EYS: variants seen among roughly 807,000 people sequenced by gnomAD.
EYS encodes protein eyes shut homolog.
Under a neutral mutation model 282.1 loss-of-function variants are expected in EYS, and 250 were observed. That is an observed-to-expected ratio of 0.89 (90% CI 0.80 to 0.98). The LOEUF (loss-of-function observed/expected upper bound fraction) is 0.98. Ranked by LOEUF, EYS falls within the 50% of genes least tolerant of loss-of-function variation. The probability of loss-of-function intolerance (pLI) is 0.00; values close to 1 mark genes in which losing one functional copy is unlikely to be tolerated. For synonymous variants in EYS, 1,355 were observed against 1,282.9 expected (o/e 1.06, Z -1.20); for missense variants, 4,016 against 3,709.0 (o/e 1.08, Z -2.15).
chr6:64,735,116 C>A (rs1173928979), intron 22 of EYS, among the ~76,000 whole-genome samples: 3 of 152,088 alleles, frequency 2.0e-5, no homozygotes, highest in African/African-American at 7.2e-5. Context: ...CCCAGTCATG[C>A]TCTGTCGCCC....
rs111323107 is a variant in EYS, at chr6:63,747,025, C to T, written c.8071+15436G>A. 8.4e-3 allele frequency among the ~76,000 whole-genome samples: 1,280 copies of T among 152,034 alleles called. 15 individuals are homozygous for T. The highest frequency in any genetic ancestry group is 0.031 in the South Asian group (151 of 4,808). On this transcript the variant is annotated intron_variant, in intron 41 of 42. Coordinates refer to ENST00000503581, the MANE Select transcript of EYS (RefSeq NM_001142800.2). Reference sequence around the variant, plus strand: ...CTCCTGTTCTTTTAATTGTGATGTTCGGGTGATGATTTTACATCTTTTCCA... The same window carrying T: ...CTCCTGTTCTTTTAATTGTGATGTTTGGGTGATGATTTTACATCTTTTCCA...
intron 22 of EYS, among the ~76,000 whole-genome samples, chr6:64,691,183 G>A (rs78120530): frequency 0.011 from 1,696 of 152,036 alleles, 31 homozygotes; most frequent in African/African-American, 0.039. Flanking sequence ...TAAAAAGTAC[G>A]CATGTAACAT....
intron 12 of EYS, among the ~76,000 whole-genome samples, chr6:65,148,636 C>T (rs1250946829): frequency 6.6e-6 from 1 of 152,066 alleles, no homozygotes; most frequent in Non-Finnish European, 1.5e-5. Flanking sequence ...CCTCTTCTGA[C>T]AGCTCCAGTA....
chr6:64,515,911 T>A (rs1162452251), intron 26 of EYS, among the ~76,000 whole-genome samples: 1 of 151,838 alleles, frequency 6.6e-6, no homozygotes, highest in African/African-American at 2.4e-5. Flanking sequence ...TTTACATTTA[T>A]AGCCGAACTT....
chr6:65,004,682 C>T lies in EYS; in HGVS notation c.2138-6979G>A, dbSNP rs1771583070. On this transcript the variant is annotated intron_variant, in intron 13 of 42. Coordinates refer to ENST00000503581, the MANE Select transcript of EYS (RefSeq NM_001142800.2). ...AAAAGAAAGAATCAAAGTGCCAATG[C>T]TTATTGAATGAACCAATTCTTACAA... 1.4e-5 allele frequency among the ~76,000 whole-genome samples: 2 copies of T among 147,778 alleles called. 1 individual carries two copies. The highest frequency in any genetic ancestry group is 4.4e-4 in the South Asian group (2 of 4,574).
intron 2 of EYS, among the ~76,000 whole-genome samples, chr6:65,504,305 G>A (rs2127280105): frequency 6.6e-6 from 1 of 151,622 alleles, no homozygotes; most frequent in South Asian, 2.1e-4. Context: ...TTTTATCCTG[G>A]ACCCATGCTA....
At chr6:64,783,112 T>A (rs949073434) in intron 22 of EYS, among the ~76,000 whole-genome samples, 1 of 152,110 alleles carries the variant, frequency 6.6e-6, no homozygotes, top group Non-Finnish European at 1.5e-5. Flanking sequence ...CACCTATCAG[T>A]CACATAGCAG....
intron 12 of EYS, among the ~76,000 whole-genome samples, chr6:65,278,749 G>T (rs1768134488): frequency 6.6e-6 from 1 of 152,114 alleles, no homozygotes; most frequent in Non-Finnish European, 1.5e-5. Context: ...CAGATGACAT[G>T]AGATTGTACA....
chr6:63,913,314 A>G (rs970763063), intron 35 of EYS, among the ~76,000 whole-genome samples: 3 of 152,234 alleles, frequency 2.0e-5, no homozygotes, highest in African/African-American at 4.8e-5. Flanking sequence ...TTCATTTTGT[A>G]TAAATATATG....
chr6:65,223,993 G>T (rs1287392875), intron 12 of EYS, among the ~76,000 whole-genome samples: 1 of 152,102 alleles, frequency 6.6e-6, no homozygotes, highest in Non-Finnish European at 1.5e-5. Context: ...TGTCTCACTA[G>T]ACTCAGACAA....
At chr6:65,259,862 C>T (rs890107126) in intron 12 of EYS, among the ~76,000 whole-genome samples, 2 of 152,066 alleles carry the variant, frequency 1.3e-5, no homozygotes, top group African/African-American at 2.4e-5. Flanking sequence ...CACTCCAGTT[C>T]TGCCTGGAGT....
At chr6:65,615,103 T>C (rs1766137797) in intron 2 of EYS, among the ~76,000 whole-genome samples, 1 of 152,200 alleles carries the variant, frequency 6.6e-6, no homozygotes, top group African/African-American at 2.4e-5. Context: ...CTGAAAAATG[T>C]TGCTTAGTAA....
intron 18 of EYS, among the ~76,000 whole-genome samples, chr6:64,897,288 C>G (rs1212411755): frequency 6.6e-6 from 1 of 152,124 alleles, no homozygotes; most frequent in Non-Finnish European, 1.5e-5. Context: ...TCTGCAGCCT[C>G]CACTGGTGAT....
At chr6:65,653,259 TAC>T (rs1767716065) in intron 1 of EYS, among the ~76,000 whole-genome samples, 1 of 151,822 alleles carries the variant, frequency 6.6e-6, no homozygotes, top group South Asian at 2.1e-4. Flanking sequence ...TCAGTCCTGT[TAC>T]ACAGAGCACA....
At chr6:64,281,788 A>G (rs1438785405) in intron 30 of EYS, among the ~76,000 whole-genome samples, 3 of 152,128 alleles carry the variant, frequency 2.0e-5, no homozygotes, top group Non-Finnish European at 2.9e-5. Flanking sequence ...ATGATTTTCA[A>G]TGTAAATGAC....
intron 29 of EYS, among the ~76,000 whole-genome samples, chr6:64,326,098 AT>A (rs1211381203): frequency 2.6e-5 from 4 of 152,218 alleles, no homozygotes; most frequent in African/African-American, 9.6e-5. Flanking sequence ...GCCTAGGCAT[AT>A]TGTCATCATG....
At chr6:64,396,723 C>A (rs1773391468) in intron 28 of EYS, among the ~76,000 whole-genome samples, 1 of 152,018 alleles carries the variant, frequency 6.6e-6, no homozygotes, top group Non-Finnish European at 1.5e-5. Flanking sequence ...AAATCATGTC[C>A]ATATATATGT....
intron 12 of EYS, among the ~76,000 whole-genome samples, chr6:65,082,568 G>A (rs1191733602): frequency 2.0e-5 from 3 of 152,020 alleles, no homozygotes; most frequent in Non-Finnish European, 4.4e-5. Context: ...CTCAGAATAT[G>A]TCCAAATGGG....
intron 22 of EYS, among the ~76,000 whole-genome samples, chr6:64,710,381 GC>G (rs1432877094): frequency 1.3e-5 from 2 of 152,162 alleles, no homozygotes; most frequent in Non-Finnish European, 2.9e-5. Context: ...CCAAGCATGG[GC>G]CATCCCTTCA....
Sources: gnomAD v4.1 joint callset for allele counts (sites outside exome capture counted in the v4.1 genomes callset) on GRCh38, gnomAD v4.1.1 for gene constraint, MANE v1.5 for transcripts, NCBI Gene and HGNC (gene_info 2026-07-23, HGNC 2026-07-21) for gene names.